The following DCDC1 variants were observed in gnomAD, a reference collection of about 807,000 sequenced individuals.
DCDC1 encodes the protein doublecortin domain containing 1.
Under a neutral mutation model 178.3 loss-of-function variants are expected in DCDC1, and 200 were observed. The observed-to-expected ratio is 1.12, with a 90% CI of 1.00 to 1.26. The LOEUF is 1.26. Among genes scored for constraint, DCDC1 ranks in the 50% most tolerant of loss-of-function variants. The pLI is 0.00. For missense variants in DCDC1, 1,983 were observed against 1,749.2 expected, an observed-to-expected ratio of 1.13 and a Z score of -2.38; for synonymous variants, 690 against 604.8, an observed-to-expected ratio of 1.14 and a Z score of -2.07.
intron 25 of DCDC1, 95 bp downstream of exon 25, chr11:30,920,681 A>G: frequency 6.9e-7 from 1 of 1,448,064 alleles, no homozygotes. Context: ...CAAACTTGGC[A>G]TGAGCTCCCT....
chr11:31,047,189 A>T (rs1274268160), intron 20 of DCDC1, among the ~76,000 whole-genome samples: 1 of 152,206 alleles, frequency 6.6e-6, no homozygotes, highest in Non-Finnish European at 1.5e-5. Context: ...AGCAAAAAAA[A>T]ATTGGAAACC....
intron 6 of DCDC1, among the ~76,000 whole-genome samples, chr11:31,300,206 C>T (rs1948003374): frequency 6.6e-6 from 1 of 152,096 alleles, no homozygotes; most frequent in Non-Finnish European, 1.5e-5. Context: ...TTAGGCTTAG[C>T]GAGATTAAGT....
chr11:31,028,453 G>A (rs1953398439), intron 20 of DCDC1, among the ~76,000 whole-genome samples: 1 of 151,870 alleles, frequency 6.6e-6, no homozygotes, highest in South Asian at 2.1e-4. Context: ...TAGAGTTACT[G>A]ATGCCCTGTC....
At chr11:30,949,674 C>T (rs559847448) in intron 21 of DCDC1, among the ~76,000 whole-genome samples, 1 of 152,186 alleles carries the variant, frequency 6.6e-6, no homozygotes, top group Admixed American at 6.5e-5. Context: ...ACCATGCAGC[C>T]ATAAAAAGGG....
intron 9 of DCDC1, among the ~76,000 whole-genome samples, chr11:31,203,939 C>T (rs527257854): frequency 6.6e-6 from 1 of 152,240 alleles, no homozygotes; most frequent in East Asian, 1.9e-4. Context: ...ACAAATTCTA[C>T]AATCAAGAGC....
chr11:31,217,765 A>T (rs1475551500), intron 9 of DCDC1, among the ~76,000 whole-genome samples: 1 of 152,158 alleles, frequency 6.6e-6, no homozygotes, highest in Non-Finnish European at 1.5e-5. Context: ...TCCCACATGC[A>T]TGCTAATAAG....
At chr11:31,368,341 A>G (rs1952073161) in intron 1 of DCDC1, among the ~76,000 whole-genome samples, 1 of 152,240 alleles carries the variant, frequency 6.6e-6, no homozygotes, top group Non-Finnish European at 1.5e-5. Flanking sequence ...GAGCATATCT[A>G]CCTACACAAG....
At chr11:31,205,374 C>A (rs1465159619) in intron 9 of DCDC1, among the ~76,000 whole-genome samples, 4 of 152,068 alleles carry the variant, frequency 2.6e-5, no homozygotes, top group Non-Finnish European at 5.9e-5. Context: ...TAAAATATGA[C>A]AAAATGTTGC....
chr11:31,207,561 A>G (rs1972006733), intron 9 of DCDC1, among the ~76,000 whole-genome samples: 1 of 152,160 alleles, frequency 6.6e-6, no homozygotes, highest in Admixed American at 6.6e-5. Context: ...TCCCTGTTAC[A>G]TCGGATGAAC....
chr11:31,243,305 A>AT (rs1234369771), intron 8 of DCDC1, among the ~76,000 whole-genome samples: 3 of 151,780 alleles, frequency 2.0e-5, no homozygotes, highest in Admixed American at 6.6e-5. Context: ...CTACACATTC[A>AT]TATATTACTA....
intron 8 of DCDC1, among the ~76,000 whole-genome samples, chr11:31,241,975 C>A (rs920417675): frequency 6.6e-6 from 1 of 151,962 alleles, no homozygotes; most frequent in African/African-American, 2.4e-5. Flanking sequence ...CCTGATAAAA[C>A]TGTAAGATCC....
In DCDC1 at chr11:30,909,324, C is replaced by A. The variant is rs571922068; in HGVS notation, c.3748-208G>T. Among the ~76,000 whole-genome samples the A allele has an allele frequency of 3.3e-5, 5 of 152,212 alleles. No individual in the cohort carries two copies. In the East Asian group the frequency reaches 9.6e-4, roughly 29 times the overall value. On this transcript the variant is annotated intron_variant, in intron 28 of 38. Transcript: ENST00000684477. ...ATTATTTGATTTACAAAAATAGAAT[C>A]ATAAAATGCATACAATTTGGTAACT...
At chr11:31,040,809 C>T (rs1352037071) in intron 20 of DCDC1, among the ~76,000 whole-genome samples, 1 of 152,096 alleles carries the variant, frequency 6.6e-6, no homozygotes, top group Non-Finnish European at 1.5e-5. Context: ...CTGTCTTATT[C>T]CAGAGGTCAG....
chr11:30,886,525 C>G (rs115342925), intron 36 of DCDC1, among the ~76,000 whole-genome samples: 2 of 151,956 alleles, frequency 1.3e-5, no homozygotes, highest in African/African-American at 4.8e-5. Context: ...CATTTTCTAA[C>G]TTGTAGACAG....
rs775701323 is a variant in DCDC1 at position 30,864,695 on chromosome 11, C to T, written c.*678G>A. 2.6e-5 allele frequency: 4 copies of T among 151,888 alleles called. No homozygotes were observed. Among genetic ancestry groups the T allele is most frequent in the African/African-American group, 4.8e-5 (2 of 41,386 alleles). The allele number at this position is 151,888 out of a possible 1,614,324, so 9.4% of individuals were successfully genotyped here. A position where few individuals can be genotyped will look rare whatever the true frequency, so the allele number is the denominator to read the frequency against. ...AAATAAAACCAAGGGTGTTCCTGCC[C>T]TCTAGGCACTTATCATTTAGTTGGG... On this transcript the variant is annotated 3_prime_UTR_variant, in exon 39 of 39. Coordinates refer to ENST00000684477, the MANE Select transcript of DCDC1 (RefSeq NM_001387274.1).
intron 9 of DCDC1, among the ~76,000 whole-genome samples, chr11:31,187,679 T>C (rs572138134): frequency 6.6e-6 from 1 of 152,310 alleles, no homozygotes; most frequent in East Asian, 1.9e-4. Flanking sequence ...TTTTAGCAAA[T>C]TGAAGTCCAA....
chr11:30,890,592 T>A (rs1479374626), intron 36 of DCDC1, among the ~76,000 whole-genome samples: 1 of 152,160 alleles, frequency 6.6e-6, no homozygotes, highest in Non-Finnish European at 1.5e-5. Context: ...AGCTTCCCTA[T>A]CATACAACTT....
intron 8 of DCDC1, among the ~76,000 whole-genome samples, chr11:31,256,412 C>A (rs188305482): frequency 1.3e-5 from 2 of 152,238 alleles, no homozygotes; most frequent in Admixed American, 1.3e-4. Flanking sequence ...TTATACTACT[C>A]CTTCAGGTTA....
At chr11:31,348,476 A>G (rs1950916871) in intron 1 of DCDC1, among the ~76,000 whole-genome samples, 1 of 152,160 alleles carries the variant, frequency 6.6e-6, no homozygotes, top group Admixed American at 6.5e-5. Flanking sequence ...TATTCCACTA[A>G]ACAAGAGGTT....
Sources: allele counts gnomAD v4.1 joint callset (sites outside exome capture counted in the v4.1 genomes callset), GRCh38; gene constraint gnomAD v4.1.1; transcripts MANE v1.5; gene names NCBI Gene and HGNC (gene_info 2026-07-23, HGNC 2026-07-21).